Variants in SUMF2 observed in about 807,000 individuals in gnomAD.
SUMF2 encodes sulfatase modifying factor 2.
SUMF2 carries 45 observed loss-of-function variants against 44.8 expected under a neutral mutation model. That is an observed-to-expected ratio of 1.00 (90% CI 0.79 to 1.29). The LOEUF (loss-of-function observed/expected upper bound fraction) is 1.29, where lower values mean the gene tolerates loss of function less well. SUMF2 is among the 50% of genes most tolerant of loss of function. The pLI, the probability that SUMF2 is intolerant of heterozygous loss-of-function variation, is 0.00. For missense variants in SUMF2, 418 were observed against 389.9 expected, an observed-to-expected ratio of 1.07 and a Z score of -0.61; for synonymous variants, 148 against 150.4, an observed-to-expected ratio of 0.98 and a Z score of 0.12.
At chr7:56,086,600 T>TGCCTCAGCCTCCTGCGTAGCTGGG in the SUMF2 span, among the ~76,000 whole-genome samples, 1 of 152,162 alleles carries the variant, frequency 6.6e-6, no homozygotes, top group Non-Finnish European at 1.5e-5. Context: ...GCGATTCTCC[T>TGCCTCAGCCTCCTGCGTAGCTGGG]GCCTCAGCCT....
At chr7:56,073,907 C>G (rs1159859762) in intron 3 of SUMF2, 1 of 538,306 alleles carries the variant, frequency 1.9e-6, no homozygotes, top group Non-Finnish European at 3.3e-6. Flanking sequence ...CCCAGCTACT[C>G]AGGAGGTTGA....
In SUMF2 at chr7:56,064,315, G is replaced by C. The variant is rs756988077; in HGVS notation, c.4G>C (p.Ala2Pro). Reference protein sequence around the residue: MARHGLPLLPLL... With the variant: MPRHGLPLLPLL... ...GCGGCGCAGCGCGGCAGTCCTGATG[G>C]CCCGGCATGGGTTACCGCTGCTGCC... The change falls in exon 1 of 9, where the codon GCC becomes CCC. Residue 2 changes from alanine (A) to proline (P), a missense_variant. Transcript: ENST00000434526. 1.3e-6 allele frequency: 2 copies of C among 1,593,106 alleles called. No homozygotes were observed. Among genetic ancestry groups the C allele is most frequent in the Non-Finnish European group, 8.5e-7 (1 of 1,170,126 alleles).
chr7:56,084,013 CCCA>C (rs1796143402), downstream of SUMF2: 1 of 621,578 alleles, frequency 1.6e-6, no homozygotes, highest in Non-Finnish European at 2.8e-6. Context: ...AAAAATTTTT[CCCA>C]CCATTTCATG....
downstream of SUMF2, chr7:56,083,050 G>A (rs1463566911): frequency 1.3e-5 from 6 of 448,418 alleles, no homozygotes; most frequent in Non-Finnish European, 2.4e-5. Context: ...AAGTTGCAGT[G>A]AGCCGAGATT....
the SUMF2 span, among the ~76,000 whole-genome samples, chr7:56,085,920 GC>G: frequency 6.6e-6 from 1 of 150,492 alleles, no homozygotes; most frequent in Admixed American, 6.6e-5. Context: ...GTTGCAGTGA[GC>G]CGAGATCGCA....
intron 1 of SUMF2, 151 bp downstream of exon 1, chr7:56,064,529 C>G: frequency 8.7e-7 from 1 of 1,153,192 alleles, no homozygotes; most frequent in Non-Finnish European, 1.2e-6. Flanking sequence ...CGTGGCGCCT[C>G]ACCGCCTTAT....
At position 56,072,290 on chromosome 7, in the gene SUMF2, G is replaced by C. The variant is rs553118345; in HGVS notation, c.225-707G>C. Among the ~76,000 whole-genome samples, 13 of 151,738 alleles carry C rather than the reference G, an allele frequency of 8.6e-5. No individual in the cohort carries two copies. In the East Asian group the frequency reaches 1.7e-3, roughly 20 times the overall value. On this transcript the variant is annotated intron_variant, in intron 2 of 8. Transcript: ENST00000434526. Reference sequence around the variant, plus strand: ...AAAATACAAAAATTAGCTGGGCGTGGTGGTATACGTCTGTAATCCCAGCTA... The same window carrying C: ...AAAATACAAAAATTAGCTGGGCGTGCTGGTATACGTCTGTAATCCCAGCTA...
intron 2 of SUMF2, 75 bp from the exon 3 acceptor site, chr7:56,072,920 GAA>G: frequency 9.6e-7 from 1 of 1,041,480 alleles, no homozygotes; most frequent in Non-Finnish European, 1.5e-6. Context: ...AGGGATATCT[GAA>G]GTTTCCTGGA....
At chr7:56,065,117 C>CG (rs372992005) in intron 1 of SUMF2, among the ~76,000 whole-genome samples, 6 of 141,814 alleles carry the variant, frequency 4.2e-5, no homozygotes, top group African/African-American at 1.6e-4. Flanking sequence ...GCGTGAACCC[C>CG]GGGGGGTGGA....
chr7:56,080,052 C>T lies in SUMF2; in HGVS notation c.*440C>T. 1 of 641,400 alleles carries T rather than the reference C, an allele frequency of 1.6e-6. No homozygotes were observed. The highest frequency in any genetic ancestry group is 2.6e-6 in the Non-Finnish European group (1 of 378,968). The allele number at this position is 641,400 out of a possible 1,614,324, so 39.7% of individuals were successfully genotyped here. On this transcript the variant is annotated 3_prime_UTR_variant, in exon 9 of 9. Transcript: ENST00000434526. ...AGCCAGTTGCTGTGGAAGGAGAATG[C>T]TTTCTTTGTGGCCTCATCTGTGGTT...
intron 6 of SUMF2, among the ~76,000 whole-genome samples, chr7:56,077,473 C>T (rs545557861): frequency 1.5e-4 from 23 of 150,650 alleles, no homozygotes; most frequent in Admixed American, 4.6e-4. Context: ...ACCAGCCTGG[C>T]CAATATGGTG....
intron 5 of SUMF2, among the ~76,000 whole-genome samples, chr7:56,075,423 G>A (rs1180684350): frequency 6.6e-6 from 1 of 152,028 alleles, no homozygotes; most frequent in Non-Finnish European, 1.5e-5. Context: ...GCGGCCGGGC[G>A]CAGTGGCTCA....
At position 56,074,216 on chromosome 7, in the gene SUMF2, C is replaced by A; in HGVS notation, c.382C>A (p.Gln128Lys). The A allele has an allele frequency of 6.2e-7, 1 of 1,613,798 alleles. No individual in the cohort carries two copies. The highest frequency in any genetic ancestry group is 8.5e-7 in the Non-Finnish European group (1 of 1,179,908). Residue 128 changes from glutamine to lysine, a missense_variant and splice_region_variant, in exon 4 of 9, where the codon CAG becomes AAG. Physicochemically the swap from Gln to Lys is moderately conservative, Grantham distance 53. Coordinates refer to ENST00000434526, the MANE Select transcript of SUMF2 (RefSeq NM_015411.4). ...WLPVEKAFWR[Q>K]PAGPGSGIRE... ...TCCAGTGGAAAAGGCATTTTGGAGG[C>A]AGGTAAGGGCTGATTCCGCTACCTC...
At chr7:56,082,109 A>C, downstream of SUMF2, 1 of 1,611,068 alleles carries the variant, frequency 6.2e-7, no homozygotes, top group South Asian at 1.1e-5. Context: ...AGCCCTGCCT[A>C]CTTCCTCCCT....
downstream of SUMF2, chr7:56,081,410 G>T (rs1257451652): frequency 7.1e-7 from 1 of 1,399,592 alleles, no homozygotes; most frequent in Non-Finnish European, 9.6e-7. This position sits in a 1 kb window ranked among gnomAD's most constrained non-coding sequence, Gnocchi z 4.6. Flanking sequence ...GGTGGCTTCT[G>T]CGGGGCCTTC....
intron 1 of SUMF2, among the ~76,000 whole-genome samples, chr7:56,067,043 T>C (rs1326599895): frequency 1.3e-5 from 2 of 152,266 alleles, no homozygotes; most frequent in Non-Finnish European, 2.9e-5. Flanking sequence ...ATATGTATTA[T>C]ATGCTTCTCT....
intron 1 of SUMF2, among the ~76,000 whole-genome samples, chr7:56,066,341 A>T (rs1794798149): frequency 6.6e-6 from 1 of 152,208 alleles, no homozygotes. Context: ...ACCTAAATCT[A>T]GTCCTGTCTC....
rs773207288 is a variant in SUMF2, at chr7:56,073,022, C to G, written c.250C>G (p.Arg84Gly). ...FRDFVREKKY[R>G]TEAEMFGWSF... ...GGATTTTGTCAGGGAGAAAAAGTAT[C>G]GGACAGAAGCTGAGATGTTTGGATG... Residue 84 changes from arginine to glycine, a missense_variant, in exon 3 of 9, where the codon CGG becomes GGG. Physicochemically the swap from Arg to Gly is moderately radical, Grantham distance 125. Transcript: ENST00000434526. The G allele has an allele frequency of 5.0e-6, 8 of 1,614,056 alleles. No individual in the cohort carries two copies. The Admixed American group carries it at 5.0e-5, about 10-fold the overall frequency.
chr7:56,069,546 G>A (rs1795027498), intron 2 of SUMF2, among the ~76,000 whole-genome samples: 2 of 151,936 alleles, frequency 1.3e-5, no homozygotes, highest in South Asian at 4.2e-4. Flanking sequence ...TCTGCCCCCT[G>A]AAACTTACTA....
Sources: gnomAD v4.1 joint callset for allele counts (sites outside exome capture counted in the v4.1 genomes callset) on GRCh38, gnomAD v4.1.1 for gene constraint, Gnocchi (gnomAD v3.1) non-coding constraint, MANE v1.5 for transcripts, NCBI Gene and HGNC (gene_info 2026-07-23, HGNC 2026-07-21) for gene names.